FBXO4: variants seen among roughly 807,000 people sequenced by gnomAD.
FBXO4 encodes the protein F-box protein 4.
FBXO4 carries 36 observed loss-of-function variants against 43.7 expected under a neutral mutation model. The observed-to-expected ratio is 0.82, with a 90% CI of 0.63 to 1.09. The LOEUF (loss-of-function observed/expected upper bound fraction) is 1.09, where lower values mean the gene tolerates loss of function less well. Among genes scored for constraint, FBXO4 ranks in the 50% least tolerant of loss-of-function variants. FBXO4 has a pLI of 0.00. For missense variants in FBXO4, 435 were observed against 474.1 expected (o/e 0.92, Z 0.77); for synonymous variants, 180 against 165.6 (o/e 1.09, Z -0.67).
At chr5:42,020,321 CTTTA>C in the FBXO4 span, among the ~76,000 whole-genome samples, 2 of 152,022 alleles carry the variant, frequency 1.3e-5, no homozygotes, top group Non-Finnish European at 2.9e-5. Context: ...ATTGATATTC[CTTTA>C]TTTAACATTT....
At chr5:41,968,815 C>T in the FBXO4 span, among the ~76,000 whole-genome samples, 2 of 151,790 alleles carry the variant, frequency 1.3e-5, no homozygotes, top group Non-Finnish European at 2.9e-5. Context: ...AAAATGATTT[C>T]TTTTGAATTT....
the FBXO4 span, among the ~76,000 whole-genome samples, chr5:41,999,331 C>T: frequency 1.3e-5 from 2 of 148,680 alleles, no homozygotes; most frequent in African/African-American, 5.0e-5. Context: ...TCTAGAACCA[C>T]TCCTGGTACC....
the FBXO4 span, among the ~76,000 whole-genome samples, chr5:42,036,703 C>G: frequency 1.3e-5 from 2 of 151,912 alleles, no homozygotes; most frequent in African/African-American, 4.8e-5. Flanking sequence ...GGATAAGTGG[C>G]GAGATGCTGG....
At chr5:41,969,081 G>A in the FBXO4 span, among the ~76,000 whole-genome samples, 1 of 152,062 alleles carries the variant, frequency 6.6e-6, no homozygotes, top group African/African-American at 2.4e-5. Context: ...CTTATTTTGG[G>A]TAACCTTCTT....
downstream of FBXO4, among the ~76,000 whole-genome samples, chr5:41,943,780 T>C (rs1752038516): frequency 1.3e-5 from 2 of 152,188 alleles, no homozygotes; most frequent in Non-Finnish European, 2.9e-5. Context: ...CAAATTCATA[T>C]ATTGCAGTCC....
chr5:42,000,322 T>A, the FBXO4 span, among the ~76,000 whole-genome samples: 2 of 152,356 alleles, frequency 1.3e-5, no homozygotes, highest in South Asian at 4.1e-4. Flanking sequence ...TTTAAGATAC[T>A]GATTGCATTT....
the FBXO4 span, chr5:41,967,774 A>C: frequency 1.6e-6 from 1 of 613,352 alleles, no homozygotes; most frequent in Non-Finnish European, 3.2e-6. Flanking sequence ...TCTCTCATCA[A>C]TGTGCTCTGG....
the FBXO4 span, among the ~76,000 whole-genome samples, chr5:42,029,723 C>T: frequency 3.3e-5 from 5 of 151,816 alleles, no homozygotes; most frequent in African/African-American, 1.2e-4. Context: ...CTGTTTGATT[C>T]ATTCTGCTAT....
Position 41,927,131 on chromosome 5 carries a change from T to G in FBXO4, c.308T>G (p.Leu103Trp). 1 of 1,613,904 alleles carries G rather than the reference T, an allele frequency of 6.2e-7. No homozygotes were observed. Among genetic ancestry groups the G allele is most frequent in the Non-Finnish European group, 8.5e-7 (1 of 1,179,872 alleles). The change falls in exon 2 of 7, where the codon TTG (leucine) becomes TGG (tryptophan). Residue 103 changes from leucine (L) to tryptophan (W), a missense_variant. Coordinates refer to ENST00000281623, the MANE Select transcript of FBXO4 (RefSeq NM_012176.3). ...GATCCAATTCTGTGGAGATACTTTT[T>G]GTTGAGGGATCTTCCTTCTTGGTCT... The part of the protein sequence containing the change: ...VRDPILWRYF[L>W]LRDLPSWSSV...
chr5:41,992,696 T>C, the FBXO4 span, among the ~76,000 whole-genome samples: 1 of 152,254 alleles, frequency 6.6e-6, no homozygotes, highest in Non-Finnish European at 1.5e-5. Context: ...TTTGAATTGT[T>C]ATGTAAAAGT....
At chr5:41,934,619 T>G in intron 5 of FBXO4, 1 of 1,271,462 alleles carries the variant, frequency 7.9e-7, no homozygotes. Flanking sequence ...ATTCCAAAGT[T>G]TGGTACTAGA....
chr5:42,000,276 A>C, the FBXO4 span, among the ~76,000 whole-genome samples: 4 of 152,302 alleles, frequency 2.6e-5, no homozygotes, highest in African/African-American at 9.6e-5. Flanking sequence ...ATTATGCTCC[A>C]ATGAACATGG....
At chr5:41,970,044 G>T in the FBXO4 span, among the ~76,000 whole-genome samples, 27 of 152,162 alleles carry the variant, frequency 1.8e-4, no homozygotes, top group Admixed American at 1.5e-3. Context: ...AACATGATTG[G>T]TTGTTATATA....
the FBXO4 span, among the ~76,000 whole-genome samples, chr5:41,978,900 C>A: frequency 2.0e-5 from 3 of 152,104 alleles, no homozygotes; most frequent in African/African-American, 7.2e-5. Flanking sequence ...AGGGCAAAGC[C>A]CTCTTGACAC....
At chr5:42,009,341 C>T in the FBXO4 span, among the ~76,000 whole-genome samples, 1,840 of 151,182 alleles carry the variant, frequency 0.012, 16 homozygotes, top group Non-Finnish European at 0.019. Context: ...CCCTGTGAAA[C>T]CTTTACCTAC....
chr5:41,965,448 G>T, the FBXO4 span, among the ~76,000 whole-genome samples: 1 of 152,116 alleles, frequency 6.6e-6, no homozygotes, highest in African/African-American at 2.4e-5. Flanking sequence ...GATGGGGATG[G>T]CATTGAATCT....
the FBXO4 span, among the ~76,000 whole-genome samples, chr5:42,035,860 A>AT: frequency 9.2e-5 from 14 of 152,202 alleles, no homozygotes; most frequent in Admixed American, 2.0e-4. Flanking sequence ...TAAAATTAAT[A>AT]TTTTTTATTG....
chr5:41,954,554 T>C, the FBXO4 span, among the ~76,000 whole-genome samples: 1 of 152,186 alleles, frequency 6.6e-6, no homozygotes, highest in South Asian at 2.1e-4. Context: ...AATCCCTCCA[T>C]TCTGAATTTA....
the FBXO4 span, among the ~76,000 whole-genome samples, chr5:41,993,475 C>G: frequency 6.6e-6 from 1 of 151,850 alleles, no homozygotes; most frequent in Non-Finnish European, 1.5e-5. Flanking sequence ...TTATGATCAA[C>G]TTTCTTAGCA....
Sources: gnomAD v4.1 joint callset for allele counts (sites outside exome capture counted in the v4.1 genomes callset) on GRCh38, gnomAD v4.1.1 for gene constraint, MANE v1.5 for transcripts, NCBI Gene and HGNC (gene_info 2026-07-23, HGNC 2026-07-21) for gene names.